F13A1: variants seen among roughly 807,000 people sequenced by gnomAD.
F13A1 encodes FSF, A subunit.
Under a neutral mutation model 80.1 loss-of-function variants are expected in F13A1, and 47 were observed. That is an observed-to-expected ratio of 0.59 (90% CI 0.46 to 0.75). The LOEUF is 0.75. Ranked by LOEUF, F13A1 falls within the 30% of genes least tolerant of loss-of-function variation. The pLI is 0.00. For missense variants in F13A1, 817 were observed against 930.4 expected (o/e 0.88, Z 1.59); for synonymous variants, 349 against 344.9 (o/e 1.01, Z -0.13).
intron 3 of F13A1, among the ~76,000 whole-genome samples, chr6:6,292,790 C>T (rs113158611): frequency 0.047 from 7,192 of 152,274 alleles, 243 homozygotes; most frequent in Non-Finnish European, 0.066. Context: ...TAGGACAGCA[C>T]TTTTATACTC....
Position 6,284,798 on chromosome 6 carries a change from C to G in F13A1, c.320-17989G>C, listed in dbSNP as rs564835793. Among the ~76,000 whole-genome samples the G allele has an allele frequency of 6.6e-5, 10 of 152,308 alleles. No individual in the cohort carries two copies. The East Asian group carries it at 1.3e-3, about 21-fold the overall frequency. On this transcript the variant is annotated intron_variant, in intron 3 of 14. Transcript: ENST00000264870. Reference sequence around the variant, plus strand: ...ACTTCGTAGCCCTCTTGGAATGCTCCCAGTTCCTCAAGAGTCATCTCAAGA... The same window carrying G: ...ACTTCGTAGCCCTCTTGGAATGCTCGCAGTTCCTCAAGAGTCATCTCAAGA...
At chr6:6,220,947 A>G (rs1168793069) in intron 8 of F13A1, among the ~76,000 whole-genome samples, 10 of 152,342 alleles carry the variant, frequency 6.6e-5, no homozygotes, top group African/African-American at 2.4e-4. Context: ...TGCTGCTACA[A>G]CTGTGATCCA....
chr6:6,176,509 G>A (rs192432313), intron 11 of F13A1, among the ~76,000 whole-genome samples: 190 of 152,294 alleles, frequency 1.2e-3, no homozygotes, highest in African/African-American at 4.5e-3. Context: ...CAGAAAAAAT[G>A]CCAGAAGGCA....
At chr6:6,295,013 C>T (rs377358809) in intron 3 of F13A1, among the ~76,000 whole-genome samples, 10 of 145,834 alleles carry the variant, frequency 6.9e-5, no homozygotes, top group Admixed American at 2.7e-4. Context: ...TTTGTTCTTG[C>T]GATAGTTTAC....
intron 3 of F13A1, among the ~76,000 whole-genome samples, chr6:6,270,253 T>C (rs375327778): frequency 9.2e-5 from 14 of 152,316 alleles, no homozygotes; most frequent in African/African-American, 3.4e-4. Context: ...TCTTGAAGTC[T>C]AACACTTGAG....
intron 10 of F13A1, among the ~76,000 whole-genome samples, chr6:6,189,146 C>T (rs1349542695): frequency 1.2e-5 from 1 of 84,626 alleles, no homozygotes; most frequent in Non-Finnish European, 2.3e-5. Flanking sequence ...TTCCTGAATA[C>T]AGCACACTGA....
intron 6 of F13A1, among the ~76,000 whole-genome samples, chr6:6,226,709 C>T (rs1757280995): frequency 6.6e-6 from 1 of 152,174 alleles, no homozygotes; most frequent in Non-Finnish European, 1.5e-5. Flanking sequence ...TTAGCAAAGA[C>T]TGGATGCTCT....
chr6:6,154,549 C>A (rs2151069214), intron 13 of F13A1, among the ~76,000 whole-genome samples: 1 of 152,338 alleles, frequency 6.6e-6, no homozygotes, highest in Admixed American at 6.5e-5. Context: ...CCAAAAGTGT[C>A]TCCAGCAATT....
At chr6:6,272,983 G>A (rs1329931109) in intron 3 of F13A1, among the ~76,000 whole-genome samples, 1 of 152,152 alleles carries the variant, frequency 6.6e-6, no homozygotes, top group Non-Finnish European at 1.5e-5. Flanking sequence ...AACAATGACA[G>A]CGCATTCCTC....
chr6:6,212,904 C>G (rs1042359313), intron 8 of F13A1, among the ~76,000 whole-genome samples: 1 of 151,886 alleles, frequency 6.6e-6, no homozygotes, highest in Non-Finnish European at 1.5e-5. Flanking sequence ...GGAGCCGATG[C>G]GATCAACTGG....
At position 6,228,882 on chromosome 6, in the gene F13A1, G is replaced by A. The variant is rs777196017; in HGVS notation, c.799-4022C>T. Among the ~76,000 whole-genome samples the A allele has an allele frequency of 1.2e-4, 18 of 152,272 alleles. 1 individual carries two copies. The South Asian group carries it at 2.7e-3, about 23-fold the overall frequency. On this transcript the variant is annotated intron_variant, in intron 6 of 14. Coordinates refer to ENST00000264870, the MANE Select transcript of F13A1 (RefSeq NM_000129.4). Reference sequence around the variant, plus strand: ...AATTGGGAAATAATACAAGCTGAGCGTATCCCCCAATGGAACTGAGATATG... The same window carrying A: ...AATTGGGAAATAATACAAGCTGAGCATATCCCCCAATGGAACTGAGATATG...
chr6:6,275,113 G>A (rs1325816071), intron 3 of F13A1, among the ~76,000 whole-genome samples: 2 of 152,028 alleles, frequency 1.3e-5, no homozygotes, highest in East Asian at 3.9e-4. Flanking sequence ...AATGGTTTGA[G>A]AGGGACAAGA....
At chr6:6,178,814 C>T (rs1227207380) in intron 11 of F13A1, among the ~76,000 whole-genome samples, 1 of 152,128 alleles carries the variant, frequency 6.6e-6, no homozygotes, top group African/African-American at 2.4e-5. Flanking sequence ...GACAGAATTG[C>T]AAGCAAAGGG....
chr6:6,169,755 A>G (rs1426545405), intron 12 of F13A1, among the ~76,000 whole-genome samples: 11 of 152,240 alleles, frequency 7.2e-5, no homozygotes, highest in Admixed American at 4.6e-4. Context: ...TAGTCCCACA[A>G]CAAAGTATCC....
intron 2 of F13A1, among the ~76,000 whole-genome samples, chr6:6,315,099 C>T: frequency 6.6e-6 from 1 of 152,170 alleles, no homozygotes; most frequent in Non-Finnish European, 1.5e-5. Context: ...TAAATGATTC[C>T]AATTACTGCT....
At chr6:6,206,661 C>T (rs964618436) in intron 8 of F13A1, 4 of 423,286 alleles carry the variant, frequency 9.4e-6, no homozygotes, top group African/African-American at 8.3e-5. Context: ...AGAGCAATGC[C>T]CCCTTCTTGT....
rs191237972 is a variant in F13A1 at position 6,197,457 on chromosome 6, G to A, written c.1113-131C>T. On this transcript the variant is annotated intron_variant, in intron 8 of 14. Coordinates refer to ENST00000264870, the MANE Select transcript of F13A1 (RefSeq NM_000129.4). The stretch of plus-strand genomic sequence containing the variant: ...CAATTTGGGAGGCCAAGGCAGGTGA[G>A]TCACAAGGTCAAGACATCAAGACCA... 754 of 793,444 alleles carry A rather than the reference G, an allele frequency of 9.5e-4. 4 individuals are homozygous for A. In the East Asian group the frequency reaches 0.017, roughly 18 times the overall value. 49.2% of individuals were successfully genotyped at this position (793,444 alleles called of 1,614,324 possible). A position where few individuals can be genotyped will look rare whatever the true frequency, so the allele number is the denominator to read the frequency against.
At chr6:6,150,381 C>T (rs1760353308) in intron 14 of F13A1, among the ~76,000 whole-genome samples, 1 of 152,110 alleles carries the variant, frequency 6.6e-6, no homozygotes. Context: ...TGTAACTTTC[C>T]TGTTAGCACA....
chr6:6,261,256 T>C (rs1583099667), intron 4 of F13A1, among the ~76,000 whole-genome samples: 2 of 152,330 alleles, frequency 1.3e-5, no homozygotes, highest in Admixed American at 1.3e-4. Flanking sequence ...CGTGAGCCAC[T>C]GGGCCCGGCC....
Sources: gnomAD v4.1 joint callset for allele counts (sites outside exome capture counted in the v4.1 genomes callset) on GRCh38, gnomAD v4.1.1 for gene constraint, MANE v1.5 for transcripts, NCBI Gene and HGNC (gene_info 2026-07-23, HGNC 2026-07-21) for gene names.